Variants in SLC25A21 observed in about 807,000 individuals in gnomAD.
The protein encoded by SLC25A21 is mitochondrial 2-oxodicarboxylate carrier.
SLC25A21 carries 47 observed loss-of-function variants against 43.8 expected under a neutral mutation model. The ratio of observed to expected loss-of-function variants is 1.07; its 90% CI spans 0.85 to 1.37. The LOEUF (loss-of-function observed/expected upper bound fraction) is 1.37, where lower values mean the gene tolerates loss of function less well. SLC25A21 is among the 40% of genes most tolerant of loss of function. The pLI is 0.00. For missense variants in SLC25A21, 352 were observed against 350.2 expected, an observed-to-expected ratio of 1.00 and a Z score of -0.04; for synonymous variants, 131 against 121.3, an observed-to-expected ratio of 1.08 and a Z score of -0.52.
At chr14:36,838,896 T>C (rs1377174586) in intron 2 of SLC25A21, among the ~76,000 whole-genome samples, 1 of 152,198 alleles carries the variant, frequency 6.6e-6, no homozygotes, top group Non-Finnish European at 1.5e-5. Context: ...ACCAGCCTCT[T>C]AATGGAAATT....
rs1230502663 is a variant in SLC25A21, at chr14:36,876,930, TAGATAGATACAC to T, written c.71-1938_71-1927del. On this transcript the variant is annotated intron_variant, in intron 1 of 9. Coordinates refer to ENST00000331299, the MANE Select transcript of SLC25A21 (RefSeq NM_030631.4). ...ATAGATAGATAGATAGATAGATAGA[TAGATAGATACAC>T]ACACACACATACATATACATATATT... 9.6e-4 allele frequency among the ~76,000 whole-genome samples: 124 copies of T among 128,586 alleles called. 1 individual carries two copies. The highest frequency in any genetic ancestry group is 3.1e-3 in the African/African-American group (118 of 38,622). 84.4% of individuals were successfully genotyped at this position (128,586 alleles called of 152,430 possible). A position where few individuals can be genotyped will look rare whatever the true frequency, so the allele number is the denominator to read the frequency against.
At chr14:37,042,237 T>C (rs894556228) in intron 1 of SLC25A21, among the ~76,000 whole-genome samples, 1 of 152,174 alleles carries the variant, frequency 6.6e-6, no homozygotes, top group Non-Finnish European at 1.5e-5. Context: ...GGAAGCCGAG[T>C]TCAGGACATA....
intron 1 of SLC25A21, among the ~76,000 whole-genome samples, chr14:36,904,865 A>C (rs920198214): frequency 1.3e-5 from 2 of 152,188 alleles, no homozygotes; most frequent in Non-Finnish European, 2.9e-5. Flanking sequence ...TTACAGTTCA[A>C]GATGAGATTT....
rs921439117 is a variant in SLC25A21, at chr14:37,145,297, G to A, written c.70+26984C>T. On this transcript the variant is annotated intron_variant, in intron 1 of 9. Transcript: ENST00000331299. Reference sequence around the variant, plus strand: ...TATTTTTTTTAAGAGATGGGGTCTCGCTCTGTTGCCCAGGCTGGAGTCAAA... The same window carrying A: ...TATTTTTTTTAAGAGATGGGGTCTCACTCTGTTGCCCAGGCTGGAGTCAAA... 7.9e-5 allele frequency among the ~76,000 whole-genome samples: 12 copies of A among 151,654 alleles called. No individual in the cohort carries two copies. In the East Asian group the frequency reaches 1.2e-3, roughly 15 times the overall value.
chr14:36,719,691 C>T (rs1172468898), intron 6 of SLC25A21, among the ~76,000 whole-genome samples: 1 of 152,184 alleles, frequency 6.6e-6, no homozygotes, highest in Non-Finnish European at 1.5e-5. Flanking sequence ...AAGACAAGCA[C>T]ACCTATTAAA....
intron 3 of SLC25A21, among the ~76,000 whole-genome samples, chr14:36,754,299 C>T (rs113468442): frequency 0.016 from 2,412 of 152,178 alleles, 55 homozygotes; most frequent in African/African-American, 0.055. Context: ...CTGAGCTCAG[C>T]CTTTAAACTG....
chr14:37,114,692 T>C (rs918141393), intron 1 of SLC25A21, among the ~76,000 whole-genome samples: 15 of 152,146 alleles, frequency 9.9e-5, no homozygotes, highest in Non-Finnish European at 1.5e-4. Flanking sequence ...TGCTGGTATG[T>C]GTGATCCTTA....
intron 1 of SLC25A21, among the ~76,000 whole-genome samples, chr14:37,171,100 G>C: frequency 1.0e-5 from 1 of 99,910 alleles, no homozygotes; most frequent in Non-Finnish European, 1.8e-5. Flanking sequence ...AGACTCCATC[G>C]AAAAGAAAAA....
At chr14:36,915,118 A>G (rs1212977661) in intron 1 of SLC25A21, among the ~76,000 whole-genome samples, 1 of 151,998 alleles carries the variant, frequency 6.6e-6, no homozygotes, top group East Asian at 1.9e-4. Flanking sequence ...CTTATTGCAC[A>G]TTTGGTAAGG....
chr14:36,844,069 G>T (rs1364775921), intron 2 of SLC25A21, among the ~76,000 whole-genome samples: 1 of 152,164 alleles, frequency 6.6e-6, no homozygotes, highest in African/African-American at 2.4e-5. Flanking sequence ...GCACTTTTCA[G>T]TGTGTCACAT....
At chr14:37,007,432 G>GT (rs1190593945) in intron 1 of SLC25A21, among the ~76,000 whole-genome samples, 1 of 151,930 alleles carries the variant, frequency 6.6e-6, no homozygotes, top group African/African-American at 2.4e-5. Context: ...GTTAAACCCT[G>GT]TATCTACTAA....
At chr14:36,775,950 T>C (rs796407934) in intron 3 of SLC25A21, among the ~76,000 whole-genome samples, 4 of 152,260 alleles carry the variant, frequency 2.6e-5, no homozygotes, top group African/African-American at 4.8e-5. Flanking sequence ...TCACCTGGAA[T>C]TGAGATACCT....
At position 37,025,677 on chromosome 14, in the gene SLC25A21, C is replaced by A. The variant is rs528777163; in HGVS notation, c.70+146604G>T. 9.9e-5 allele frequency among the ~76,000 whole-genome samples: 15 copies of A among 152,226 alleles called. 2 individuals are homozygous for A. The highest frequency in any genetic ancestry group is 3.6e-4 in the African/African-American group (15 of 41,554). On this transcript the variant is annotated intron_variant, in intron 1 of 9. Coordinates refer to ENST00000331299, the MANE Select transcript of SLC25A21 (RefSeq NM_030631.4). The stretch of plus-strand genomic sequence containing the variant: ...CAAATTAAAAGAGTTCTTTTCTCAT[C>A]TGACTTCCTACTCACTCGTGTAGGG...
chr14:37,077,360 A>G lies in SLC25A21; in HGVS notation c.70+94921T>C, dbSNP rs1389681303. ...CATCTGCTTTTACTTACTTTTCAAC[A>G]TTGTAAAGTTCTCTGGATTTTAAGT... On this transcript the variant is annotated intron_variant, in intron 1 of 9. Coordinates refer to ENST00000331299, the MANE Select transcript of SLC25A21 (RefSeq NM_030631.4). Among the ~76,000 whole-genome samples, 3 of 152,158 alleles carry G rather than the reference A, an allele frequency of 2.0e-5. No individual in the cohort carries two copies. In the East Asian group the frequency reaches 5.8e-4, roughly 29 times the overall value.
chr14:36,963,179 A>G (rs1959534824), intron 1 of SLC25A21, among the ~76,000 whole-genome samples: 1 of 152,164 alleles, frequency 6.6e-6, no homozygotes. Context: ...AAAGCTTAGT[A>G]CATATCCCCC....
intron 1 of SLC25A21, among the ~76,000 whole-genome samples, chr14:37,163,231 T>G (rs948456634): frequency 6.6e-6 from 1 of 151,890 alleles, no homozygotes; most frequent in Non-Finnish European, 1.5e-5. Context: ...GCATGGCACA[T>G]GTATACATAT....
chr14:36,930,207 T>C (rs2138635483), intron 1 of SLC25A21, among the ~76,000 whole-genome samples: 1 of 152,264 alleles, frequency 6.6e-6, no homozygotes, highest in East Asian at 1.9e-4. Flanking sequence ...CTAGACATAT[T>C]AATAAATTGT....
intron 1 of SLC25A21, among the ~76,000 whole-genome samples, chr14:37,141,105 A>G (rs1185630408): frequency 6.6e-6 from 1 of 152,206 alleles, no homozygotes; most frequent in Non-Finnish European, 1.5e-5. Flanking sequence ...AGATCACGCC[A>G]CCGCACTCCA....
intron 7 of SLC25A21, among the ~76,000 whole-genome samples, chr14:36,695,767 G>C (rs1203894998): frequency 6.6e-6 from 1 of 152,168 alleles, no homozygotes; most frequent in Non-Finnish European, 1.5e-5. Context: ...TGTATCCTGA[G>C]ACTTTCCTGA....
Sources: allele counts gnomAD v4.1 joint callset (sites outside exome capture counted in the v4.1 genomes callset), GRCh38; gene constraint gnomAD v4.1.1; transcripts MANE v1.5; gene names NCBI Gene and HGNC (gene_info 2026-07-23, HGNC 2026-07-21).